RANBP2: variants seen among roughly 807,000 people sequenced by gnomAD.
The protein encoded by RANBP2 is RAN binding protein 2.
Under a neutral mutation model 303.6 loss-of-function variants are expected in RANBP2, and 57 were observed. The observed-to-expected ratio is 0.19, with a 90% CI of 0.15 to 0.23. The LOEUF is 0.23. Among genes scored for constraint, RANBP2 ranks in the 10% least tolerant of loss-of-function variants. RANBP2 has a pLI of 1.00. For synonymous variants in RANBP2, 1,167 were observed against 1,301.5 expected, an observed-to-expected ratio of 0.90 and a Z score of 2.23; for missense variants, 3,138 against 3,780.8, an observed-to-expected ratio of 0.83 and a Z score of 4.46.
chr2:109,486,283 T>C, the RANBP2 span, among the ~76,000 whole-genome samples: 2 of 152,178 alleles, frequency 1.3e-5, no homozygotes, highest in Non-Finnish European at 2.9e-5. Context: ...AGCAAAATCT[T>C]TGGGGGTGGG....
At chr2:108,904,948 C>T in the RANBP2 span, among the ~76,000 whole-genome samples, 10 of 152,090 alleles carry the variant, frequency 6.6e-5, no homozygotes, top group Admixed American at 5.2e-4. Context: ...AAGATGTTAT[C>T]GTTAGGAGAA....
At chr2:109,179,641 C>T in the RANBP2 span, among the ~76,000 whole-genome samples, 2 of 152,094 alleles carry the variant, frequency 1.3e-5, no homozygotes, top group Non-Finnish European at 2.9e-5. Flanking sequence ...GGTGAGAGGG[C>T]AAGAATGTGC....
At chr2:109,033,258 T>C in the RANBP2 span, among the ~76,000 whole-genome samples, 2 of 152,312 alleles carry the variant, frequency 1.3e-5, no homozygotes, top group South Asian at 2.1e-4. Flanking sequence ...AGATTTTGAT[T>C]ATTCTGATTT....
chr2:109,084,704 A>G, the RANBP2 span, among the ~76,000 whole-genome samples: 1 of 152,166 alleles, frequency 6.6e-6, no homozygotes, highest in Non-Finnish European at 1.5e-5. Context: ...GAACAACACA[A>G]AGGGCGTTCC....
chr2:109,670,500 A>G, the RANBP2 span, among the ~76,000 whole-genome samples: 1 of 152,076 alleles, frequency 6.6e-6, no homozygotes, highest in Non-Finnish European at 1.5e-5. Context: ...ATTGGGGGCT[A>G]TGAGGATTAA....
the RANBP2 span, chr2:109,251,766 G>A: frequency 3.6e-6 from 2 of 550,220 alleles, no homozygotes; most frequent in Non-Finnish European, 6.5e-6. Context: ...ATAAACTTTT[G>A]TAATAGTCAA....
intron 18 of RANBP2, among the ~76,000 whole-genome samples, chr2:108,759,820 G>T (rs2693107): frequency 5.3e-5 from 8 of 152,256 alleles, no homozygotes; most frequent in South Asian, 2.1e-4. Context: ...TTGGTGCCTT[G>T]TGGGTCATGA....
chr2:108,791,512 T>C, the RANBP2 span: 9 of 753,736 alleles, frequency 1.2e-5, no homozygotes, highest in Non-Finnish European at 2.1e-5. Flanking sequence ...TCAGTGACTG[T>C]TAGTTTTTAC....
the RANBP2 span, among the ~76,000 whole-genome samples, chr2:109,286,737 G>C: frequency 6.6e-6 from 1 of 152,210 alleles, no homozygotes; most frequent in Admixed American, 6.5e-5. Context: ...ACCTTTGGGA[G>C]TGTTGGGTTT....
the RANBP2 span, among the ~76,000 whole-genome samples, chr2:108,910,192 C>T: frequency 2.6e-5 from 4 of 152,194 alleles, no homozygotes; most frequent in South Asian, 2.1e-4. Flanking sequence ...ATGAGGAATT[C>T]GGATGTTAAG....
the RANBP2 span, among the ~76,000 whole-genome samples, chr2:109,536,858 AGAG>A: frequency 6.6e-6 from 1 of 152,202 alleles, no homozygotes; most frequent in African/African-American, 2.4e-5. Context: ...GGCTTTAAAA[AGAG>A]GAGTTCCCCT....
At chr2:108,907,859 C>A in the RANBP2 span, 1 of 1,613,496 alleles carries the variant, frequency 6.2e-7, no homozygotes, top group Non-Finnish European at 8.5e-7. Context: ...AGGAGCCTCA[C>A]CCCGGCTGAC....
chr2:109,202,727 G>A, the RANBP2 span, among the ~76,000 whole-genome samples: 6 of 152,136 alleles, frequency 3.9e-5, no homozygotes, highest in South Asian at 2.1e-4. Context: ...GAAACGCCAC[G>A]GCCTTCCCGT....
the RANBP2 span, among the ~76,000 whole-genome samples, chr2:109,252,666 A>C: frequency 6.6e-6 from 1 of 152,246 alleles, no homozygotes; most frequent in Non-Finnish European, 1.5e-5. Context: ...CCAAACCTAC[A>C]GAACCTCATA....
chr2:108,819,974 A>C, the RANBP2 span, among the ~76,000 whole-genome samples: 1 of 152,266 alleles, frequency 6.6e-6, no homozygotes, highest in Non-Finnish European at 1.5e-5. Context: ...ACAAAGTGAC[A>C]GTATAAACTA....
At chr2:109,772,901 T>C in the RANBP2 span, among the ~76,000 whole-genome samples, 1 of 143,420 alleles carries the variant, frequency 7.0e-6, no homozygotes, top group Admixed American at 7.1e-5. Context: ...ATTTTCTGGG[T>C]AGAAGGGGAT....
the RANBP2 span, among the ~76,000 whole-genome samples, chr2:109,349,152 C>G: frequency 9.2e-6 from 1 of 108,138 alleles, no homozygotes; most frequent in Non-Finnish European, 1.8e-5. Context: ...CCCCCATCTG[C>G]TGAGTGCAGA....
the RANBP2 span, among the ~76,000 whole-genome samples, chr2:109,021,670 A>C: frequency 1.3e-5 from 2 of 152,026 alleles, no homozygotes. Context: ...AGCGAGGTAA[A>C]GAGAGCAGAG....
the RANBP2 span, among the ~76,000 whole-genome samples, chr2:109,499,611 AG>A: frequency 6.6e-6 from 1 of 152,132 alleles, no homozygotes; most frequent in Non-Finnish European, 1.5e-5. Context: ...TCAGACTCTA[AG>A]CATAAGGGCC....
Sources: gnomAD v4.1 joint callset for allele counts (sites outside exome capture counted in the v4.1 genomes callset) on GRCh38, gnomAD v4.1.1 for gene constraint, MANE v1.5 for transcripts, NCBI Gene and HGNC (gene_info 2026-07-23, HGNC 2026-07-21) for gene names.